The following RRM2 variants were observed in gnomAD, a reference collection of about 807,000 sequenced individuals.
RRM2 encodes the protein ribonucleotide reductase regulatory subunit M2.
In RRM2, 6 loss-of-function variants were observed where a neutral mutation model predicts 45.9. The observed-to-expected ratio is 0.13, with a 90% CI of 0.07 to 0.26. The LOEUF is 0.26. RRM2 is among the 10% of genes least tolerant of loss of function. RRM2 has a pLI of 1.00. For missense variants in RRM2, 343 were observed against 489.5 expected (o/e 0.70, Z 2.82); for synonymous variants, 177 against 173.0 (o/e 1.02, Z -0.18).
At chr2:10,182,774 T>C (rs1664087323) in intron 3 of RRM2, among the ~76,000 whole-genome samples, 1 of 152,244 alleles carries the variant, frequency 6.6e-6, no homozygotes, top group African/African-American at 2.4e-5. Context: ...GTCATCACCG[T>C]GACATCCTTT....
chr2:10,187,115 A>G (rs578100529), intron 3 of RRM2, among the ~76,000 whole-genome samples: 2 of 152,182 alleles, frequency 1.3e-5, no homozygotes, highest in African/African-American at 4.8e-5. Flanking sequence ...TTCCTGCCGG[A>G]GTGCTGGTCA....
intron 3 of RRM2, among the ~76,000 whole-genome samples, chr2:10,165,617 G>A (rs934373793): frequency 6.6e-6 from 1 of 152,252 alleles, no homozygotes; most frequent in Non-Finnish European, 1.5e-5. Flanking sequence ...AGCTCTGGAA[G>A]TGTAATGTGC....
In RRM2 at chr2:10,204,700, T is replaced by C. The variant is rs986945795; in HGVS notation, n.483-5611T>C. Among the ~76,000 whole-genome samples the C allele has an allele frequency of 2.0e-5, 3 of 152,256 alleles. No individual in the cohort carries two copies. Among genetic ancestry groups the C allele is most frequent in the Admixed American group, 6.5e-5 (1 of 15,292 alleles). On this transcript the variant is annotated intron_variant and non_coding_transcript_variant, in intron 3 of 3. Transcript: ENST00000381786. The surrounding 1 kb of genome is among the most constrained non-coding windows in gnomAD (Gnocchi z 4.0). The stretch of plus-strand genomic sequence containing the variant: ...GTGAACACGTCTGCGCTGACTAATT[T>C]GTTTAATTACTCATTGCCGCATCTG...
In RRM2 at chr2:10,127,322, C is replaced by A; in HGVS notation, c.798+102C>A. On this transcript the variant is annotated intron_variant, in intron 7 of 9. Coordinates refer to ENST00000304567, the MANE Select transcript of RRM2 (RefSeq NM_001034.4). This position sits in a 1 kb window ranked among gnomAD's most constrained non-coding sequence, Gnocchi z 4.1. ...ACCTGAGATGCTAGATGGCATATAT[C>A]CACATTTAATGTGTGAGTTCAACCA... 3 of 1,190,944 alleles carry A rather than the reference C, an allele frequency of 2.5e-6. No individual in the cohort carries two copies. The highest frequency in any genetic ancestry group is 1.4e-5 in the South Asian group (1 of 72,444). The allele number at this position is 1,190,944 out of a possible 1,614,324, so 73.8% of individuals were successfully genotyped here.
At chr2:10,123,307 TG>T in intron 2 of RRM2, 79 bp from the exon 3 acceptor site, 3 of 1,493,276 alleles carry the variant, frequency 2.0e-6, no homozygotes, top group South Asian at 1.3e-5. Flanking sequence ...TTGCCGCCAA[TG>T]GAAAGGACTT....
chr2:10,151,340 C>T (rs1005736592), intron 3 of RRM2, among the ~76,000 whole-genome samples: 3 of 146,566 alleles, frequency 2.0e-5, no homozygotes, highest in Non-Finnish European at 4.5e-5. Context: ...CTCTGTTGCC[C>T]AGACTGGAGT....
At chr2:10,162,877 C>T (rs2125319452) in intron 3 of RRM2, among the ~76,000 whole-genome samples, 1 of 152,362 alleles carries the variant, frequency 6.6e-6, no homozygotes, top group African/African-American at 2.4e-5. Flanking sequence ...AGACAAATGG[C>T]CTGCAGGGGC....
At chr2:10,193,164 T>C (rs1263184564) in intron 3 of RRM2, among the ~76,000 whole-genome samples, 1 of 152,176 alleles carries the variant, frequency 6.6e-6, no homozygotes, top group Admixed American at 6.5e-5. Flanking sequence ...CCTTGCTTTT[T>C]CTACCCAGCT....
chr2:10,210,206 G>A, intron 3 of RRM2: 3 of 645,220 alleles, frequency 4.6e-6, no homozygotes, highest in South Asian at 3.3e-5. Flanking sequence ...CCAGCCCTTG[G>A]CCATGTTCCG....
chr2:10,146,894 C>A (rs1378143486), intron 3 of RRM2, among the ~76,000 whole-genome samples: 1 of 152,136 alleles, frequency 6.6e-6, no homozygotes, highest in Admixed American at 6.5e-5. Context: ...TTTCTATCTA[C>A]TTTTTAAAGG....
intron 3 of RRM2, among the ~76,000 whole-genome samples, chr2:10,202,115 G>A (rs753675349): frequency 6.6e-6 from 1 of 151,926 alleles, no homozygotes; most frequent in African/African-American, 2.4e-5. Context: ...AAAACTGGAG[G>A]ATACCCCTTT....
intron 3 of RRM2, among the ~76,000 whole-genome samples, chr2:10,190,873 T>C (rs1169335713): frequency 6.6e-6 from 1 of 152,082 alleles, no homozygotes; most frequent in Non-Finnish European, 1.5e-5. Flanking sequence ...CTGAGAGTGA[T>C]GATGGTGATG....
In RRM2 at chr2:10,122,763, T is replaced by C. The variant is rs1662684250; in HGVS notation, c.-36T>C. ...CGTGCACCCTGTCCCAGCCGTCCTG[T>C]CCTGGCTGCTCGCTCTGCTTCGCTG... On this transcript the variant is annotated 5_prime_UTR_variant, in exon 1 of 10. Coordinates refer to ENST00000304567, the MANE Select transcript of RRM2 (RefSeq NM_001034.4). 1.3e-6 allele frequency: 2 copies of C among 1,562,274 alleles called. No homozygotes were observed. The highest frequency in any genetic ancestry group is 1.7e-6 in the Non-Finnish European group (2 of 1,153,658).
upstream of RRM2, among the ~76,000 whole-genome samples, chr2:10,139,555 G>A (rs1452049891): frequency 6.6e-6 from 1 of 152,182 alleles, no homozygotes; most frequent in Non-Finnish European, 1.5e-5. Flanking sequence ...CCACATTGCT[G>A]GGGGCGGATG....
At chr2:10,155,046 A>G (rs1663397230) in intron 3 of RRM2, 1 of 183,820 alleles carries the variant, frequency 5.4e-6, no homozygotes, top group African/African-American at 2.4e-5. Flanking sequence ...TCTGTAAAAA[A>G]AAAAACAGTG....
intron 3 of RRM2, among the ~76,000 whole-genome samples, chr2:10,187,891 G>T (rs1457875978): frequency 6.6e-6 from 1 of 152,186 alleles, no homozygotes; most frequent in Non-Finnish European, 1.5e-5. Context: ...GGTTCTCAAA[G>T]TGTGGTCCCT....
chr2:10,139,891 C>T (rs748715445), upstream of RRM2, among the ~76,000 whole-genome samples: 12 of 152,194 alleles, frequency 7.9e-5, no homozygotes, highest in Non-Finnish European at 1.5e-4. Context: ...GGAAATAGCC[C>T]GTGGGTGGGA....
At chr2:10,187,656 C>G in intron 3 of RRM2, among the ~76,000 whole-genome samples, 1 of 152,092 alleles carries the variant, frequency 6.6e-6, no homozygotes, top group East Asian at 1.9e-4. Flanking sequence ...CTGAGCCCAG[C>G]CTTCCTTGTG....
rs772405225 is a variant in RRM2, at chr2:10,180,321, C to T, written n.483-29990C>T. On this transcript the variant is annotated intron_variant and non_coding_transcript_variant, in intron 3 of 3. Coordinates refer to the RRM2 transcript ENST00000381786. The stretch of plus-strand genomic sequence containing the variant: ...GCTGTGAGCCTGGAGGTTATTATAA[C>T]TAAATCATTCTGTGAACTACACAGA... 5.3e-5 allele frequency among the ~76,000 whole-genome samples: 8 copies of T among 152,224 alleles called. No individual in the cohort carries two copies. The East Asian group carries it at 1.2e-3, about 22-fold the overall frequency.
Sources: allele counts gnomAD v4.1 joint callset (sites outside exome capture counted in the v4.1 genomes callset), GRCh38; gene constraint gnomAD v4.1.1; non-coding constraint Gnocchi (gnomAD v3.1); transcripts MANE v1.5; gene names NCBI Gene and HGNC (gene_info 2026-07-23, HGNC 2026-07-21).